Variants in MBNL3 observed in about 807,000 individuals in gnomAD.
MBNL3 encodes muscleblind-like protein 3.
Under a neutral mutation model 24.5 loss-of-function variants are expected in MBNL3, and 6 were observed. The observed-to-expected ratio is 0.25, with a 90% CI of 0.13 to 0.48. The LOEUF is 0.48. Among genes scored for constraint, MBNL3 ranks in the 20% least tolerant of loss-of-function variants. The probability of loss-of-function intolerance (pLI) is 0.99; values close to 1 mark genes in which losing one functional copy is unlikely to be tolerated. For missense variants in MBNL3, 230 were observed against 293.5 expected (o/e 0.78, Z 1.58); for synonymous variants, 100 against 101.7 (o/e 0.98, Z 0.10).
At chrX:132,468,718 G>C (rs1338239985) in intron 1 of MBNL3, among the ~76,000 whole-genome samples, 1 of 111,942 alleles carries the variant, frequency 8.9e-6, no homozygotes, top group East Asian at 2.8e-4. Flanking sequence ...CAGATGAGTG[G>C]AAGAGCTAGG....
At chrX:132,394,477 G>A (rs1223480611) in intron 3 of MBNL3, among the ~76,000 whole-genome samples, 1 of 112,038 alleles carries the variant, frequency 8.9e-6, no homozygotes, top group Non-Finnish European at 1.9e-5. Context: ...GCACACGATA[G>A]TGCTCTTCAC....
chrX:132,470,708 T>C (rs1325260276), intron 1 of MBNL3, among the ~76,000 whole-genome samples: 1 of 111,566 alleles, frequency 9.0e-6, no homozygotes, highest in Admixed American at 9.5e-5. Context: ...AATGATGCTT[T>C]CCCCCCTCCA....
intron 2 of MBNL3, among the ~76,000 whole-genome samples, chrX:132,421,486 TTAG>T (rs1487315462): frequency 4.5e-5 from 5 of 111,757 alleles, no homozygotes; most frequent in East Asian, 2.8e-4. Flanking sequence ...TTCCCACAAC[TTAG>T]TAGTATTCTA....
At chrX:132,468,533 A>G (rs1227248709) in intron 1 of MBNL3, among the ~76,000 whole-genome samples, 3 of 112,759 alleles carry the variant, frequency 2.7e-5, no homozygotes, top group African/African-American at 6.4e-5. Flanking sequence ...ATATAACAAC[A>G]GAAAATATGC....
intron 5 of MBNL3, among the ~76,000 whole-genome samples, chrX:132,390,327 T>C: frequency 1.0e-5 from 1 of 97,762 alleles, no homozygotes; most frequent in Non-Finnish European, 2.0e-5. Flanking sequence ...CACGTAGAAA[T>C]TTCCCCCCAG....
At chrX:132,396,533 CATATATATATTCCTATATATTCCTA>C (rs1938661090) in intron 3 of MBNL3, among the ~76,000 whole-genome samples, 2 of 56,504 alleles carry the variant, frequency 3.5e-5, no homozygotes. Context: ...TATATATATT[CATATATATATTCCTATATATTCCTA>C]TATATATTCC....
intron 2 of MBNL3, among the ~76,000 whole-genome samples, chrX:132,427,168 A>G (rs1385732062): frequency 8.9e-6 from 1 of 111,811 alleles, no homozygotes; most frequent in Non-Finnish European, 1.9e-5. Context: ...AGATATTTTC[A>G]GTGGTTACAT....
intron 1 of MBNL3, among the ~76,000 whole-genome samples, chrX:132,441,736 C>T (rs191921533): frequency 1.1e-3 from 118 of 111,506 alleles, no homozygotes; most frequent in African/African-American, 3.3e-3. Flanking sequence ...TCCTCACTTC[C>T]GCAACTCAGT....
In MBNL3 at chrX:132,379,653, A is replaced by G. The variant is rs780692677; in HGVS notation, c.*13T>C. Reference sequence around the variant, plus strand: ...TTCCATGGAAAGATTCTGATACTCCATAACTCTGCTGTTCAGAATTTCAGC... The same window carrying G: ...TTCCATGGAAAGATTCTGATACTCCGTAACTCTGCTGTTCAGAATTTCAGC... On this transcript the variant is annotated 3_prime_UTR_variant, in exon 9 of 9. Transcript: ENST00000370853. The G allele has an allele frequency of 2.8e-5, 33 of 1,194,185 alleles. No homozygotes were observed. The highest frequency in any genetic ancestry group is 3.1e-5 in the Non-Finnish European group (27 of 883,284).
intron 1 of MBNL3, among the ~76,000 whole-genome samples, chrX:132,487,826 T>C (rs1948087144): frequency 8.9e-6 from 1 of 112,415 alleles, no homozygotes; most frequent in Admixed American, 9.3e-5. Context: ...ATAAGCCTCA[T>C]TGTCTATTTA....
intron 1 of MBNL3, among the ~76,000 whole-genome samples, chrX:132,488,614 AAAAG>A (rs1387480591): frequency 2.7e-5 from 3 of 111,785 alleles, no homozygotes; most frequent in Non-Finnish European, 5.6e-5. Flanking sequence ...AAAGTAGAAA[AAAAG>A]AAAGAAGGAA....
At chrX:132,470,154 A>G (rs1436137591) in intron 1 of MBNL3, among the ~76,000 whole-genome samples, 3 of 111,853 alleles carry the variant, frequency 2.7e-5, no homozygotes, top group Non-Finnish European at 5.6e-5. Flanking sequence ...TATTGTGACT[A>G]AATCAGTACA....
At chrX:132,466,062 A>G (rs755492009) in intron 1 of MBNL3, among the ~76,000 whole-genome samples, 72 of 112,233 alleles carry the variant, frequency 6.4e-4, no homozygotes, top group Non-Finnish European at 8.6e-4. Flanking sequence ...TTTATTGGAA[A>G]AATGTCAGGC....
Position 132,378,477 on chromosome X carries a change from A to T in MBNL3, c.*1189T>A, listed in dbSNP as rs1176552978. ...ACTGACTTTTGCTAGATTGCATCTT[A>T]CTTGTTATTCAAAGAGTAGTCTAAA... On this transcript the variant is annotated 3_prime_UTR_variant, in exon 9 of 9. Coordinates refer to ENST00000370853, the MANE Select transcript of MBNL3 (RefSeq NM_001386889.1). 2 of 111,751 alleles carry T rather than the reference A, an allele frequency of 1.8e-5. No homozygotes were observed. The highest frequency in any genetic ancestry group is 3.3e-5 in the African/African-American group (1 of 30,760). The allele number at this position is 111,751 out of a possible 1,213,427, so 9.2% of individuals were successfully genotyped here.
At chrX:132,404,460 G>A (rs1208213035) in intron 3 of MBNL3, among the ~76,000 whole-genome samples, 1 of 112,190 alleles carries the variant, frequency 8.9e-6, no homozygotes, top group East Asian at 2.8e-4. Flanking sequence ...TGCGCAAGGA[G>A]TTCAACGATG....
At chrX:132,413,835 A>T (rs1943048137) in intron 2 of MBNL3, among the ~76,000 whole-genome samples, 1 of 111,787 alleles carries the variant, frequency 8.9e-6, no homozygotes. Context: ...TTTACAGAAC[A>T]GATTTTTGAG....
chrX:132,442,459 GA>G (rs1440547078), intron 1 of MBNL3, among the ~76,000 whole-genome samples: 1 of 111,497 alleles, frequency 9.0e-6, no homozygotes, highest in Non-Finnish European at 1.9e-5. Context: ...AATGTATTAT[GA>G]AAAGTACTCT....
At chrX:132,402,266 A>G (rs1247367855) in intron 3 of MBNL3, among the ~76,000 whole-genome samples, 2 of 112,320 alleles carry the variant, frequency 1.8e-5, no homozygotes, top group East Asian at 5.6e-4. Context: ...AACTAGGGGA[A>G]TTTCCCAGGT....
At chrX:132,384,219 C>T (rs916839551) in intron 7 of MBNL3, among the ~76,000 whole-genome samples, 10 of 112,188 alleles carry the variant, frequency 8.9e-5, no homozygotes, top group Middle Eastern at 4.6e-3. Context: ...CTCATCCTCT[C>T]GCAACATAGG....
Sources: allele counts gnomAD v4.1 joint callset (sites outside exome capture counted in the v4.1 genomes callset), GRCh38; gene constraint gnomAD v4.1.1; transcripts MANE v1.5; gene names NCBI Gene and HGNC (gene_info 2026-07-23, HGNC 2026-07-21).